SLC49A3: variants seen among roughly 807,000 people sequenced by gnomAD.
The protein encoded by SLC49A3 is solute carrier family 49 member 3.
SLC49A3 carries 50 observed loss-of-function variants against 43.8 expected under a neutral mutation model. That is an observed-to-expected ratio of 1.14 (90% CI 0.91 to 1.45). The LOEUF is 1.45. Among genes scored for constraint, SLC49A3 ranks in the 40% most tolerant of loss-of-function variants. The pLI is 0.00. For missense variants in SLC49A3, 906 were observed against 774.1 expected, an observed-to-expected ratio of 1.17 and a Z score of -2.02; for synonymous variants, 413 against 352.0, an observed-to-expected ratio of 1.17 and a Z score of -1.94.
At chr4:678,689 G>A, downstream of SLC49A3, 1 of 1,611,268 alleles carries the variant, frequency 6.2e-7, no homozygotes, top group South Asian at 1.1e-5. Flanking sequence ...AAGGAAGGGG[G>A]TGCCCTCCGG....
intron 8 of SLC49A3, 111 bp downstream of exon 8, chr4:683,099 T>G: frequency 7.0e-7 from 1 of 1,423,206 alleles, no homozygotes; most frequent in Non-Finnish European, 9.6e-7. Context: ...AGCAGGCAGG[T>G]TCCCCACCTC....
chr4:687,126 G>A (rs1741205231), intron 1 of SLC49A3, among the ~76,000 whole-genome samples: 1 of 152,198 alleles, frequency 6.6e-6, no homozygotes, highest in South Asian at 2.1e-4. Flanking sequence ...TGCCAGAGCG[G>A]GCACCATTCC....
chr4:683,010 C>G, intron 8 of SLC49A3, 120 bp from the exon 9 acceptor site: 3 of 1,116,318 alleles, frequency 2.7e-6, no homozygotes, highest in Admixed American at 2.4e-5. Context: ...GAAGGCAGCA[C>G]GCAGCCTCGG....
At chr4:681,789 G>C (rs925422615), downstream of SLC49A3, 3 of 1,205,350 alleles carry the variant, frequency 2.5e-6, no homozygotes, top group Non-Finnish European at 3.1e-6. Flanking sequence ...GCCCCTCCCC[G>C]CTCCCCCTCC....
chr4:684,582 G>A lies in SLC49A3; in HGVS notation c.741C>T (p.Ala247=). ...CCAAGCACACAGCCAGGATGACATA[G>A]GCCTTGTTCCACATGAGCTGCTGGG... The part of the protein sequence containing the change: ...DGLKLLMWNK[A]YVILAVCLGG... Residue 247 remains alanine, a synonymous_variant, in exon 6 of 10, where the codon GCC becomes GCT. Transcript: ENST00000322224. 4 of 1,613,016 alleles carry A rather than the reference G, an allele frequency of 2.5e-6. No homozygotes were observed. In the African/African-American group the frequency reaches 5.3e-5, roughly 22 times the overall value.
intron 1 of SLC49A3, among the ~76,000 whole-genome samples, chr4:687,492 G>A (rs1398893449): frequency 3.3e-5 from 5 of 152,200 alleles, no homozygotes; most frequent in Non-Finnish European, 5.9e-5. Context: ...GGCACAGAAC[G>A]AGCTCCCCAG....
intron 1 of SLC49A3, among the ~76,000 whole-genome samples, chr4:688,350 C>G (rs548850279): frequency 6.6e-6 from 1 of 152,198 alleles, no homozygotes; most frequent in Non-Finnish European, 1.5e-5. Context: ...CTGAGAGTGA[C>G]TCCTGCCCCT....
At chr4:678,544 G>C, downstream of SLC49A3, 1 of 1,472,846 alleles carries the variant, frequency 6.8e-7, no homozygotes, top group Admixed American at 2.6e-5. Flanking sequence ...GCCCCCTCCA[G>C]CCCGAAGGGC....
downstream of SLC49A3, among the ~76,000 whole-genome samples, chr4:681,606 C>T (rs1387963342): frequency 1.6e-5 from 2 of 126,716 alleles, no homozygotes; most frequent in Admixed American, 1.6e-4. Context: ...CGCCGCCCCG[C>T]CCCCTCCAGC....
chr4:686,460 T>C, intron 2 of SLC49A3, 72 bp downstream of exon 2: 1 of 1,571,652 alleles, frequency 6.4e-7, no homozygotes, highest in Non-Finnish European at 8.6e-7. Flanking sequence ...TGGGGAGGCC[T>C]TGACTCTCCT....
Position 683,831 on chromosome 4 carries a change from G to C in SLC49A3, c.841-70C>G. On this transcript the variant is annotated intron_variant, in intron 6 of 9. Coordinates refer to ENST00000322224, the MANE Select transcript of SLC49A3 (RefSeq NM_032219.4). ...ATCCTAGGTGCATGCCGTCAGGGCA[G>C]GGGGCTCAGTGTAGGGCCGTGTGCT... 6 of 1,505,190 alleles carry C rather than the reference G, an allele frequency of 4.0e-6. No individual in the cohort carries two copies. The South Asian group carries it at 7.9e-5, about 20-fold the overall frequency. 93.2% of individuals were successfully genotyped at this position (1,505,190 alleles called of 1,614,324 possible). A position where few individuals can be genotyped will look rare whatever the true frequency, so the allele number is the denominator to read the frequency against.
downstream of SLC49A3, chr4:679,822 A>C: frequency 7.9e-6 from 8 of 1,012,984 alleles, no homozygotes; most frequent in Non-Finnish European, 7.5e-6. Flanking sequence ...CACCCTTCCC[A>C]TCTGCCTGCC....
chr4:686,903 C>T (rs911112477), intron 1 of SLC49A3, among the ~76,000 whole-genome samples: 1 of 152,232 alleles, frequency 6.6e-6, no homozygotes, highest in African/African-American at 2.4e-5. Flanking sequence ...CATGCCCTGA[C>T]CGGGGACCAG....
In SLC49A3 at chr4:682,184, C is replaced by T. The variant is rs549401229; in HGVS notation, c.1454G>A (p.Ser485Asn). Residue 485 changes from serine to asparagine, a missense_variant, in exon 10 of 10, where the codon AGC becomes AAC. By Grantham distance (46) the Ser-to-Asn change is conservative. Transcript: ENST00000322224. Reference sequence around the variant, plus strand: ...CGCCGTGCACTCCGGAGTCGCCGTGCTGGGCCCCAGGACCCCAGCCCTTCC... The same window carrying T: ...CGCCGTGCACTCCGGAGTCGCCGTGTTGGGCCCCAGGACCCCAGCCCTTCC... The part of the protein sequence containing the change: ...GAGRAGVLGP[S>N]TATPECTARG... The T allele has an allele frequency of 1.5e-6, 2 of 1,360,168 alleles. No homozygotes were observed. Among genetic ancestry groups the T allele is most frequent in the East Asian group, 3.0e-5 (1 of 33,888 alleles). 84.3% of individuals were successfully genotyped at this position (1,360,168 alleles called of 1,614,324 possible). A position where few individuals can be genotyped will look rare whatever the true frequency, so the allele number is the denominator to read the frequency against.
At chr4:689,200 G>A, upstream of SLC49A3, 2 of 1,137,596 alleles carry the variant, frequency 1.8e-6, no homozygotes, top group Non-Finnish European at 2.2e-6. Context: ...GCGTGGGCCG[G>A]GACCGCCTGC....
intron 7 of SLC49A3, 43 bp from the exon 8 acceptor site, chr4:683,410 C>A: frequency 6.3e-7 from 1 of 1,588,886 alleles, no homozygotes; most frequent in Admixed American, 1.8e-5. Flanking sequence ...GAGGGGGTGG[C>A]AGTCAGAACT....
intron 9 of SLC49A3, 29 bp from the exon 10 acceptor site, chr4:682,405 C>T (rs773314576): frequency 7.6e-7 from 1 of 1,321,122 alleles, no homozygotes; most frequent in Non-Finnish European, 9.7e-7. Flanking sequence ...GCTGTCCCCA[C>T]AGCCAAGCCC....
chr4:686,826 C>A (rs1231280114), intron 1 of SLC49A3, 136 bp from the exon 2 acceptor site: 1 of 1,162,106 alleles, frequency 8.6e-7, no homozygotes, highest in Admixed American at 2.7e-5. Context: ...GACACGGGGC[C>A]TTCCTGCCCA....
rs764712621 is a variant in SLC49A3 at position 681,976 on chromosome 4, G to C, written c.1662C>G (p.Ser554=). The change falls in exon 10 of 10, where the codon TCC becomes TCG. Residue 554 remains serine (S), a synonymous_variant. Transcript: ENST00000322224. Reference sequence around the variant, plus strand: ...CGCTCAGCTACGTGATCACCCACGGGGAGGAGAAGGAGGAGTGAGACCCAG... The same window carrying C: ...CGCTCAGCTACGTGATCACCCACGGCGAGGAGAAGGAGGAGTGAGACCCAG... ...DPAGSHSSFS[S]PWVIT is the part of the protein sequence containing the mutation. The C allele has an allele frequency of 7.2e-7, 1 of 1,397,390 alleles. No homozygotes were observed. Among genetic ancestry groups the C allele is most frequent in the African/African-American group, 1.5e-5 (1 of 67,176 alleles). The allele number at this position is 1,397,390 out of a possible 1,614,324, so 86.6% of individuals were successfully genotyped here. A position where few individuals can be genotyped will look rare whatever the true frequency, so the allele number is the denominator to read the frequency against.
Sources: gnomAD v4.1 joint callset for allele counts (sites outside exome capture counted in the v4.1 genomes callset) on GRCh38, gnomAD v4.1.1 for gene constraint, MANE v1.5 for transcripts, NCBI Gene and HGNC (gene_info 2026-07-23, HGNC 2026-07-21) for gene names.